Variants in ADAMTSL1 observed in about 807,000 individuals in gnomAD.
The protein encoded by ADAMTSL1 is ADAMTS like 1, also known as ADAMTS-like protein 1.
A neutral mutation model predicts 201.8 loss-of-function variants in ADAMTSL1; 126 were observed. That is an observed-to-expected ratio of 0.62 (90% CI 0.54 to 0.72). The LOEUF (loss-of-function observed/expected upper bound fraction) is 0.72, where lower values mean the gene tolerates loss of function less well. ADAMTSL1 is among the 30% of genes least tolerant of loss of function. The probability of loss-of-function intolerance (pLI) is 0.00; values close to 1 mark genes in which losing one functional copy is unlikely to be tolerated. For missense variants in ADAMTSL1, 2,679 were observed against 2,277.8 expected, an observed-to-expected ratio of 1.18 and a Z score of -3.59; for synonymous variants, 1,121 against 903.4, an observed-to-expected ratio of 1.24 and a Z score of -4.32.
rs199784291 is a variant in ADAMTSL1 at position 18,736,595 on chromosome 9, C to T, written c.2006+14930C>T. 3.3e-5 allele frequency among the ~76,000 whole-genome samples: 5 copies of T among 152,202 alleles called. No homozygotes were observed. In the East Asian group the frequency reaches 7.7e-4, roughly 23 times the overall value. The stretch of plus-strand genomic sequence containing the variant: ...ACCCTTGCATACCTAACTCCTTCAG[C>T]AGGGTAGCTCTGCATGACAAGGTTG... On this transcript the variant is annotated intron_variant, in intron 15 of 28. Transcript: ENST00000380548.
chr9:18,345,319 T>A (rs141346083), intron 2 of ADAMTSL1, among the ~76,000 whole-genome samples: 5 of 152,280 alleles, frequency 3.3e-5, no homozygotes, highest in African/African-American at 7.2e-5. Context: ...TCATTTTCAA[T>A]GTGAAAATAA....
chr9:18,482,868 T>A (rs956607962), intron 1 of ADAMTSL1, among the ~76,000 whole-genome samples: 1 of 152,196 alleles, frequency 6.6e-6, no homozygotes. Flanking sequence ...TAGCCGGTTC[T>A]TTTTTTCTAG....
At chr9:18,042,642 T>C (rs1821477298) in intron 1 of ADAMTSL1, among the ~76,000 whole-genome samples, 1 of 152,180 alleles carries the variant, frequency 6.6e-6, no homozygotes, top group Admixed American at 6.5e-5. Flanking sequence ...ATAACCCAAA[T>C]GATTCACTGT....
intron 1 of ADAMTSL1, among the ~76,000 whole-genome samples, chr9:17,961,392 G>T (rs1817749294): frequency 1.3e-5 from 2 of 152,082 alleles, no homozygotes; most frequent in Non-Finnish European, 2.9e-5. Flanking sequence ...GGGATTACAG[G>T]CATGTGCCAC....
intron 2 of ADAMTSL1, among the ~76,000 whole-genome samples, chr9:18,321,601 G>T (rs1834622140): frequency 6.6e-6 from 1 of 152,006 alleles, no homozygotes; most frequent in Admixed American, 6.6e-5. Context: ...AGACCATCCT[G>T]GCTAACACAG....
intron 1 of ADAMTSL1, among the ~76,000 whole-genome samples, chr9:18,084,269 C>T (rs1226155726): frequency 6.6e-6 from 1 of 152,062 alleles, no homozygotes; most frequent in Non-Finnish European, 1.5e-5. Flanking sequence ...TGCCTGTAAT[C>T]CCAGCACTTT....
At chr9:18,544,886 C>A (rs1188669928) in intron 3 of ADAMTSL1, among the ~76,000 whole-genome samples, 1 of 152,164 alleles carries the variant, frequency 6.6e-6, no homozygotes, top group East Asian at 1.9e-4. Flanking sequence ...CATTCAACAG[C>A]TCAACTTTCA....
At chr9:18,877,170 A>G (rs1305491985) in intron 23 of ADAMTSL1, among the ~76,000 whole-genome samples, 2 of 151,972 alleles carry the variant, frequency 1.3e-5, no homozygotes, top group Non-Finnish European at 2.9e-5. Flanking sequence ...GATTTCTCTA[A>G]GCTGGTATTC....
chr9:18,481,416 G>A (rs924857695), intron 1 of ADAMTSL1, among the ~76,000 whole-genome samples: 3 of 151,600 alleles, frequency 2.0e-5, no homozygotes, highest in African/African-American at 7.3e-5. Context: ...ATGGTGGCAG[G>A]CATCTATAAT....
chr9:18,122,375 A>C (rs773778230), intron 1 of ADAMTSL1, among the ~76,000 whole-genome samples: 41 of 152,174 alleles, frequency 2.7e-4, no homozygotes, highest in Admixed American at 9.2e-4. Flanking sequence ...TGGTAGAGTC[A>C]AGAGTTTAAT....
At chr9:18,028,614 G>A (rs147301588) in intron 1 of ADAMTSL1, among the ~76,000 whole-genome samples, 4,613 of 152,008 alleles carry the variant, frequency 0.03, 191 homozygotes, top group African/African-American at 0.095. Flanking sequence ...TGTTCCATTG[G>A]TCTATATCTC....
chr9:18,872,880 T>C (rs755892599), intron 23 of ADAMTSL1, among the ~76,000 whole-genome samples: 11 of 152,222 alleles, frequency 7.2e-5, no homozygotes, highest in Non-Finnish European at 1.6e-4. Context: ...CTGGATCAAA[T>C]GGTAGATCTA....
chr9:18,344,313 T>C (rs2033411507), intron 2 of ADAMTSL1, among the ~76,000 whole-genome samples: 2 of 152,098 alleles, frequency 1.3e-5, no homozygotes, highest in South Asian at 4.1e-4. Context: ...ATTTTAATTT[T>C]TTTTAATTAA....
chr9:18,700,731 C>A (rs1831874545), intron 13 of ADAMTSL1, among the ~76,000 whole-genome samples: 1 of 152,126 alleles, frequency 6.6e-6, no homozygotes, highest in Admixed American at 6.6e-5. Context: ...ATGGAAAAGA[C>A]TTGATTCAGA....
At chr9:18,532,938 T>C (rs995684692) in intron 2 of ADAMTSL1, among the ~76,000 whole-genome samples, 1 of 151,960 alleles carries the variant, frequency 6.6e-6, no homozygotes, top group Admixed American at 6.6e-5. Flanking sequence ...AAAGGATTAA[T>C]TGAATGTCAG....
chr9:18,520,961 T>C (rs757170194), intron 2 of ADAMTSL1, among the ~76,000 whole-genome samples: 2 of 152,188 alleles, frequency 1.3e-5, no homozygotes, highest in Non-Finnish European at 2.9e-5. Flanking sequence ...ATTTTTTATA[T>C]ATGCTTTTGA....
At chr9:18,283,653 C>T (rs963120823) in intron 2 of ADAMTSL1, among the ~76,000 whole-genome samples, 18 of 147,074 alleles carry the variant, frequency 1.2e-4, no homozygotes, top group Non-Finnish European at 1.5e-5. Context: ...TGGCTCAAGC[C>T]TGTAATCCTA....
intron 22 of ADAMTSL1, among the ~76,000 whole-genome samples, chr9:18,828,278 C>G (rs1404320224): frequency 6.6e-6 from 1 of 152,136 alleles, no homozygotes; most frequent in South Asian, 2.1e-4. Flanking sequence ...AGGAAAATTA[C>G]TTTCAAAGCT....
At chr9:18,038,853 A>T (rs1821316384) in intron 1 of ADAMTSL1, among the ~76,000 whole-genome samples, 1 of 152,212 alleles carries the variant, frequency 6.6e-6, no homozygotes, top group Admixed American at 6.5e-5. Context: ...TATTGTGTAA[A>T]CTTTACCAGT....
Sources: gnomAD v4.1 joint callset for allele counts (sites outside exome capture counted in the v4.1 genomes callset) on GRCh38, gnomAD v4.1.1 for gene constraint, MANE v1.5 for transcripts, NCBI Gene and HGNC (gene_info 2026-07-23, HGNC 2026-07-21) for gene names.